The following C8orf89 variants were observed in gnomAD, a reference collection of about 807,000 sequenced individuals.
The protein encoded by C8orf89 is putative uncharacterized protein C8orf89.
C8orf89 carries 14 observed loss-of-function variants against 15.8 expected under a neutral mutation model. That is an observed-to-expected ratio of 0.89 (90% CI 0.59 to 1.39). The LOEUF (loss-of-function observed/expected upper bound fraction) is 1.39. Ranked by LOEUF, C8orf89 falls within the 40% of genes most tolerant of loss-of-function variation. The pLI, the probability that C8orf89 is intolerant of heterozygous loss-of-function variation, is 0.00. For synonymous variants in C8orf89, 55 were observed against 62.2 expected (o/e 0.88, Z 0.54); for missense variants, 181 against 184.5 (o/e 0.98, Z 0.11).
At chr8:73,255,696 C>T (rs1240477143) in intron 2 of C8orf89, among the ~76,000 whole-genome samples, 1 of 150,210 alleles carries the variant, frequency 6.7e-6, no homozygotes, top group Non-Finnish European at 1.5e-5. Context: ...ATAGCAAAGA[C>T]TTGGAACCAA....
At chr8:73,255,964 T>C (rs1305005970) in intron 2 of C8orf89, among the ~76,000 whole-genome samples, 1 of 25,414 alleles carries the variant, frequency 3.9e-5, no homozygotes, top group African/African-American at 1.8e-4. Flanking sequence ...TGTTGTGGGG[T>C]GGGGGGAGGC....
chr8:73,259,313 A>G lies in C8orf89; in HGVS notation c.127+19T>C. On this transcript the variant is annotated intron_variant, in intron 1 of 3. Transcript: ENST00000624510. ...CTATTTCTATGTTTTCTTAAGGAAA[A>G]TAATAACAATAAAGTTACCTTTCTT... is the stretch of plus-strand genomic sequence containing the variant. The G allele has an allele frequency of 1.4e-6, 2 of 1,431,188 alleles. No homozygotes were observed. The highest frequency in any genetic ancestry group is 1.9e-6 in the Non-Finnish European group (2 of 1,072,844). 88.7% of individuals were successfully genotyped at this position (1,431,188 alleles called of 1,614,324 possible). A position where few individuals can be genotyped will look rare whatever the true frequency, so the allele number is the denominator to read the frequency against.
Position 73,244,428 on chromosome 8 carries a change from G to C in C8orf89, c.338-2823C>G, listed in dbSNP as rs140307996. ...GATTCATCAAAGTTCCAATCACTACGTATTACCCCTAAATACATGTAGAAA... is the reference window on the plus strand; with the variant it reads ...GATTCATCAAAGTTCCAATCACTACCTATTACCCCTAAATACATGTAGAAA... On this transcript the variant is annotated intron_variant, in intron 3 of 3. Transcript: ENST00000624510. Among the ~76,000 whole-genome samples the C allele has an allele frequency of 9.7e-3, 1,483 of 152,198 alleles. 23 individuals carry two copies. Among genetic ancestry groups the C allele is most frequent in the African/African-American group, 0.034 (1,395 of 41,524 alleles).
the C8orf89 span, among the ~76,000 whole-genome samples, chr8:73,266,316 A>G: frequency 5.3e-5 from 8 of 152,228 alleles, no homozygotes. Context: ...GAACTCTGAG[A>G]TGGAGCAATC....
chr8:73,278,777 C>A, the C8orf89 span, among the ~76,000 whole-genome samples: 2 of 152,036 alleles, frequency 1.3e-5, no homozygotes, highest in Non-Finnish European at 2.9e-5. Flanking sequence ...ATTTTTAAAC[C>A]CTTTCCTATC....
upstream of C8orf89, among the ~76,000 whole-genome samples, chr8:73,259,770 G>A (rs1813488814): frequency 6.6e-6 from 1 of 151,752 alleles, no homozygotes; most frequent in Non-Finnish European, 1.5e-5. Flanking sequence ...ATGCTCCATG[G>A]AAAATAAACA....
the C8orf89 span, among the ~76,000 whole-genome samples, chr8:73,272,603 C>A: frequency 1.3e-5 from 2 of 151,716 alleles, no homozygotes; most frequent in Non-Finnish European, 2.9e-5. Context: ...ATCCCTCCCC[C>A]CTCTCCCCAC....
At chr8:73,262,816 CAA>C (rs33942390), upstream of C8orf89, among the ~76,000 whole-genome samples, 101 of 134,264 alleles carry the variant, frequency 7.5e-4, no homozygotes, top group African/African-American at 1.7e-3. Context: ...GATCCTGGCT[CAA>C]AAAAAAAAAA....
intron 3 of C8orf89, among the ~76,000 whole-genome samples, chr8:73,241,822 T>C (rs2130237887): frequency 6.6e-6 from 1 of 152,104 alleles, no homozygotes; most frequent in East Asian, 1.9e-4. Context: ...AACAAATCTA[T>C]ACATCTATAG....
chr8:73,265,358 G>A, the C8orf89 span, among the ~76,000 whole-genome samples: 5 of 152,272 alleles, frequency 3.3e-5, no homozygotes, highest in African/African-American at 7.2e-5. Context: ...TTTATTCTAC[G>A]TGCATCAAAA....
upstream of C8orf89, among the ~76,000 whole-genome samples, chr8:73,263,749 G>A (rs760303099): frequency 2.6e-4 from 40 of 152,126 alleles, no homozygotes; most frequent in Non-Finnish European, 2.9e-5. Flanking sequence ...GGGGCAGTCA[G>A]ACAATAGGTA....
chr8:73,284,835 A>G, the C8orf89 span, among the ~76,000 whole-genome samples: 62,020 of 152,012 alleles, frequency 0.41, 12,903 homozygotes, highest in South Asian at 0.57. Context: ...GTCAATAAAG[A>G]GGAGCAAGAA....
At chr8:73,267,929 C>T in the C8orf89 span, among the ~76,000 whole-genome samples, 1 of 152,182 alleles carries the variant, frequency 6.6e-6, no homozygotes, top group African/African-American at 2.4e-5. Flanking sequence ...TCTGGCAGAA[C>T]ACCACCATCT....
upstream of C8orf89, chr8:73,259,542 C>G: frequency 2.1e-6 from 2 of 944,824 alleles, no homozygotes; most frequent in Non-Finnish European, 1.5e-6. Context: ...AAGGCACGTC[C>G]GAGACAAGGC....
the C8orf89 span, among the ~76,000 whole-genome samples, chr8:73,268,201 T>C: frequency 1.3e-5 from 2 of 152,154 alleles, no homozygotes; most frequent in Non-Finnish European, 2.9e-5. Flanking sequence ...CATAGCAGGC[T>C]GGGCGCGGTG....
chr8:73,279,629 T>G, the C8orf89 span, among the ~76,000 whole-genome samples: 1 of 152,234 alleles, frequency 6.6e-6, no homozygotes, highest in East Asian at 1.9e-4. Flanking sequence ...TGCTCTTCCT[T>G]CACTGTGATG....
chr8:73,249,798 T>G (rs899199798), intron 3 of C8orf89, among the ~76,000 whole-genome samples: 1 of 152,076 alleles, frequency 6.6e-6, no homozygotes, highest in African/African-American at 2.4e-5. Flanking sequence ...ATGTCATAAG[T>G]ACACAGGATT....
intron 1 of C8orf89, 61 bp from the exon 2 acceptor site, chr8:73,257,187 C>A: frequency 2.0e-6 from 2 of 1,017,134 alleles, no homozygotes; most frequent in Non-Finnish European, 1.4e-6. Context: ...TTACTGCATC[C>A]TAAAACACAT....
the C8orf89 span, among the ~76,000 whole-genome samples, chr8:73,271,715 C>T: frequency 7.9e-5 from 12 of 152,136 alleles, no homozygotes; most frequent in African/African-American, 2.9e-4. Flanking sequence ...TTTCATGCTG[C>T]TGATAAAGAC....
Sources: gnomAD v4.1 joint callset for allele counts (sites outside exome capture counted in the v4.1 genomes callset) on GRCh38, gnomAD v4.1.1 for gene constraint, MANE v1.5 for transcripts, NCBI Gene and HGNC (gene_info 2026-07-23, HGNC 2026-07-21) for gene names.